The following MRE11 variants were observed in gnomAD, a reference collection of about 807,000 sequenced individuals.
MRE11 encodes the protein MRE11 double strand break repair nuclease.
MRE11 carries 62 observed loss-of-function variants against 91.7 expected under a neutral mutation model. The observed-to-expected ratio is 0.68, with a 90% CI of 0.55 to 0.84. The LOEUF (loss-of-function observed/expected upper bound fraction) is 0.84, where lower values mean the gene tolerates loss of function less well. MRE11 is among the 40% of genes least tolerant of loss of function. MRE11 has a pLI of 0.00. For missense variants in MRE11, 796 were observed against 852.9 expected (o/e 0.93, Z 0.83); for synonymous variants, 273 against 271.4 (o/e 1.01, Z -0.06).
chr11:94,480,114 T>C lies in MRE11; in HGVS notation c.315-353A>G, dbSNP rs115581747. ...GGGAGGGAAGAAAATCCATATACTT[T>C]AGAATCCCAAAGAGGTAGATTAAAA... On this transcript the variant is annotated intron_variant, in intron 4 of 19. Transcript: ENST00000323929. Among the ~76,000 whole-genome samples the C allele has an allele frequency of 3.0e-3, 462 of 152,284 alleles. 2 individuals are homozygous for C. The highest frequency in any genetic ancestry group is 0.011 in the African/African-American group (442 of 41,574).
intron 16 of MRE11, among the ~76,000 whole-genome samples, chr11:94,441,570 T>C (rs1236977585): frequency 6.6e-6 from 1 of 152,142 alleles, no homozygotes; most frequent in Non-Finnish European, 1.5e-5. Context: ...ACTAGGTTAT[T>C]AGATACAAAA....
chr11:94,481,242 G>A (rs919960426), intron 4 of MRE11, among the ~76,000 whole-genome samples: 1 of 152,158 alleles, frequency 6.6e-6, no homozygotes, highest in Non-Finnish European at 1.5e-5. Flanking sequence ...CTGGGAGGCA[G>A]AGGTTGCAGT....
intron 4 of MRE11, among the ~76,000 whole-genome samples, chr11:94,481,696 A>G (rs1386716192): frequency 6.6e-6 from 1 of 152,196 alleles, no homozygotes; most frequent in African/African-American, 2.4e-5. Context: ...CAAATACTCA[A>G]TTCCTACATG....
At position 94,419,731 on chromosome 11, in the gene MRE11, C is replaced by T. The variant is rs1043189389; in HGVS notation, c.*394G>A. ...CAAACAGTGAATTTAGACATAGGTT[C>T]GCATAAATTGTTTTACTTTCAGAAA... is the stretch of plus-strand genomic sequence containing the variant. On this transcript the variant is annotated 3_prime_UTR_variant, in exon 20 of 20. Coordinates refer to ENST00000323929, the MANE Select transcript of MRE11 (RefSeq NM_005591.4). 2 of 243,874 alleles carry T rather than the reference C, an allele frequency of 8.2e-6. No homozygotes were observed. Among genetic ancestry groups the T allele is most frequent in the Non-Finnish European group, 1.6e-5 (2 of 124,704 alleles). The allele number at this position is 243,874 out of a possible 1,614,324, so 15.1% of individuals were successfully genotyped here.
intron 19 of MRE11, among the ~76,000 whole-genome samples, chr11:94,427,046 G>A (rs1565200422): frequency 2.0e-5 from 3 of 152,102 alleles, no homozygotes; most frequent in Non-Finnish European, 2.9e-5. Context: ...CTCATTCTAC[G>A]AAGCCAGCAT....
intron 19 of MRE11, among the ~76,000 whole-genome samples, chr11:94,427,676 C>T (rs1036579045): frequency 2.6e-5 from 4 of 151,444 alleles, no homozygotes; most frequent in African/African-American, 7.3e-5. Context: ...AACTGATAAA[C>T]GACTTCAGCA....
the MRE11 span, among the ~76,000 whole-genome samples, chr11:94,500,870 C>A: frequency 6.6e-6 from 1 of 152,112 alleles, no homozygotes; most frequent in African/African-American, 2.4e-5. Context: ...TCAGAAGAAG[C>A]CCAGAGACTA....
At chr11:94,486,517 C>T (rs572084150) in intron 3 of MRE11, among the ~76,000 whole-genome samples, 3 of 152,260 alleles carry the variant, frequency 2.0e-5, no homozygotes, top group African/African-American at 4.8e-5. Context: ...TATCCCTGCC[C>T]TCATTAAATA....
rs1395220839 is a variant in MRE11 at position 94,467,899 on chromosome 11, A to C, written c.1018-6T>G. On this transcript the variant is annotated splice_polypyrimidine_tract_variant and splice_region_variant and intron_variant, in intron 9 of 19. Transcript: ENST00000323929. ...TTTTCAAGCATTTCTTCAATCTCAA[A>C]ATTTTTAAAAAGATTAAAAAACAAC... The C allele has an allele frequency of 6.2e-7, 1 of 1,612,232 alleles. No individual in the cohort carries two copies. Among genetic ancestry groups the C allele is most frequent in the Non-Finnish European group, 8.5e-7 (1 of 1,178,848 alleles).
chr11:94,473,456 T>G (rs1165983814), intron 7 of MRE11: 1 of 152,150 alleles, frequency 6.6e-6, no homozygotes, highest in Non-Finnish European at 1.5e-5. Context: ...ATTCAGATTC[T>G]TTCTTCTTTG....
the MRE11 span, among the ~76,000 whole-genome samples, chr11:94,510,904 C>G: frequency 6.6e-6 from 1 of 152,186 alleles, no homozygotes; most frequent in African/African-American, 2.4e-5. Flanking sequence ...AGAATGTGAG[C>G]TCAACTACAT....
intron 10 of MRE11, among the ~76,000 whole-genome samples, chr11:94,467,081 T>G (rs986424716): frequency 2.6e-5 from 4 of 152,210 alleles, no homozygotes; most frequent in Non-Finnish European, 2.9e-5. Context: ...CTGGTTATGG[T>G]GAAGTCAGAG....
upstream of MRE11, chr11:94,498,435 TG>T: frequency 6.2e-7 from 1 of 1,613,794 alleles, no homozygotes; most frequent in South Asian, 1.1e-5. Context: ...AAAAACAACT[TG>T]GAAGAAACTG....
At chr11:94,432,299 A>G (rs1945481578) in intron 18 of MRE11, among the ~76,000 whole-genome samples, 1 of 152,230 alleles carries the variant, frequency 6.6e-6, no homozygotes. Context: ...TATAAAGGCC[A>G]GTACGGCCTT....
At position 94,437,224 on chromosome 11, in the gene MRE11, T is replaced by C; in HGVS notation, c.1879A>G (p.Thr627Ala). 2 of 1,612,936 alleles carry C rather than the reference T, an allele frequency of 1.2e-6. No individual in the cohort carries two copies. The highest frequency in any genetic ancestry group is 1.7e-6 in the Non-Finnish European group (2 of 1,179,438). Residue 627 changes from threonine (T) to alanine (A), a missense_variant, in exon 17 of 20, where the codon ACA becomes GCA. Coordinates refer to ENST00000323929, the MANE Select transcript of MRE11 (RefSeq NM_005591.4). ...ACATTTCGGGAAGGCTGCTGTCTTG[T>C]AGATTTAAAGGCTAGAATGAAAAAG... is the stretch of plus-strand genomic sequence containing the variant. ...NMSIIDAFKSTRQQPSRNVTT... is the reference protein window; with the variant it reads ...NMSIIDAFKSARQQPSRNVTT...
chr11:94,455,885 T>A (rs1946236470), intron 14 of MRE11, among the ~76,000 whole-genome samples: 1 of 151,948 alleles, frequency 6.6e-6, no homozygotes. Flanking sequence ...ATTAAATGGG[T>A]TTTATTTATT....
chr11:94,453,489 T>C lies in MRE11; in HGVS notation c.1563+2787A>G, dbSNP rs1946168091. ...ATTCTTGCCGAAACTTGTTATTTTATGGTGTTTTAATAACAGCCATCCTAA... is the reference window on the plus strand; with the variant it reads ...ATTCTTGCCGAAACTTGTTATTTTACGGTGTTTTAATAACAGCCATCCTAA... On this transcript the variant is annotated intron_variant, in intron 14 of 19. Transcript: ENST00000323929. Among the ~76,000 whole-genome samples the C allele has an allele frequency of 1.3e-5, 2 of 152,238 alleles. 1 individual carries two copies. Among genetic ancestry groups the C allele is most frequent in the South Asian group, 4.1e-4 (2 of 4,838 alleles).
intron 16 of MRE11, among the ~76,000 whole-genome samples, chr11:94,440,312 A>T (rs1945741770): frequency 1.3e-5 from 2 of 152,292 alleles, no homozygotes; most frequent in Admixed American, 1.3e-4. Flanking sequence ...TAGAAGCTTT[A>T]TTCTATGTTG....
At chr11:94,470,073 C>T (rs927260059) in intron 9 of MRE11, among the ~76,000 whole-genome samples, 5 of 152,054 alleles carry the variant, frequency 3.3e-5, no homozygotes, top group East Asian at 1.9e-4. Flanking sequence ...GTGAAAGGGA[C>T]GCCTAATACA....
Sources: allele counts gnomAD v4.1 joint callset (sites outside exome capture counted in the v4.1 genomes callset), GRCh38; gene constraint gnomAD v4.1.1; transcripts MANE v1.5; gene names NCBI Gene and HGNC (gene_info 2026-07-23, HGNC 2026-07-21).